The following PIH1D2 variants were observed in gnomAD, a reference collection of about 807,000 sequenced individuals.
PIH1D2 encodes PIH1 domain-containing protein 2.
PIH1D2 carries 25 observed loss-of-function variants against 31.2 expected under a neutral mutation model. That is an observed-to-expected ratio of 0.80 (90% confidence interval 0.58 to 1.12). The LOEUF is 1.12. PIH1D2 is among the 50% of genes most tolerant of loss of function. PIH1D2 has a pLI of 0.00. For synonymous variants in PIH1D2, 116 were observed against 119.9 expected (o/e 0.97, Z 0.21); for missense variants, 310 against 356.6 (o/e 0.87, Z 1.05).
At position 112,068,982 on chromosome 11, in the gene PIH1D2, G is replaced by GTTTTTTTT. The variant is rs1230809846; in HGVS notation, c.814-985_814-978dup. ...TTGTTAAAACCTCTGAATTTTTTTT[G>GTTTTTTTT]TTTTTTTTTTTTTTTGTTTTTTTTT... On this transcript the variant is annotated intron_variant, in intron 5 of 5. Transcript: ENST00000280350. 6.3e-4 allele frequency among the ~76,000 whole-genome samples: 56 copies of GTTTTTTTT among 88,414 alleles called. 1 individual carries two copies. The highest frequency in any genetic ancestry group is 3.0e-3 in the African/African-American group (49 of 16,438). The allele number at this position is 88,414 out of a possible 152,430, so 58.0% of individuals were successfully genotyped here.
downstream of PIH1D2, among the ~76,000 whole-genome samples, chr11:112,060,838 T>C (rs1431666518): frequency 6.6e-6 from 1 of 152,170 alleles, no homozygotes; most frequent in Non-Finnish European, 1.5e-5. Flanking sequence ...AAAGAAGATA[T>C]TGTTTGAAAA....
At chr11:112,060,485 A>C (rs1415089348), downstream of PIH1D2, among the ~76,000 whole-genome samples, 1 of 149,872 alleles carries the variant, frequency 6.7e-6, no homozygotes, top group Non-Finnish European at 1.5e-5. Flanking sequence ...ACAGAGTCTC[A>C]CTCTTGTCAC....
the PIH1D2 span, among the ~76,000 whole-genome samples, chr11:112,052,852 C>T: frequency 2.6e-5 from 4 of 151,978 alleles, no homozygotes; most frequent in African/African-American, 9.7e-5. Context: ...TGGCGCCATC[C>T]CGAGGTTACT....
chr11:112,053,705 G>A, the PIH1D2 span, among the ~76,000 whole-genome samples: 1 of 152,064 alleles, frequency 6.6e-6, no homozygotes, highest in Non-Finnish European at 1.5e-5. Context: ...CGCCCACCTT[G>A]GCCTCCCAAA....
In PIH1D2 at chr11:112,070,470, T is replaced by C; in HGVS notation, c.779A>G (p.Asn260Ser). 1 of 1,614,090 alleles carries C rather than the reference T, an allele frequency of 6.2e-7. No individual in the cohort carries two copies. Among genetic ancestry groups the C allele is most frequent in the Non-Finnish European group, 8.5e-7 (1 of 1,179,950 alleles). Reference sequence around the variant, plus strand: ...ACTAAGGTCACAGAGAGAGACAGAATTAATACCAGGTAATTCAACTTTCAA... The same window carrying C: ...ACTAAGGTCACAGAGAGAGACAGAACTAATACCAGGTAATTCAACTTTCAA... ...IELKVELPGI[N>S]SVSLCDLSVS... The change falls in exon 5 of 6, where the codon AAT (asparagine) becomes AGT (serine). Residue 260 changes from asparagine (N) to serine (S), a missense_variant. Coordinates refer to ENST00000280350, the MANE Select transcript of PIH1D2 (RefSeq NM_138789.4).
At chr11:112,070,300 A>C in intron 5 of PIH1D2, 136 bp downstream of exon 5, 1 of 1,027,548 alleles carries the variant, frequency 9.7e-7, no homozygotes, top group Non-Finnish European at 1.4e-6. Context: ...ACATCTCAGA[A>C]GGGAATTGCT....
At chr11:112,070,867 T>A (rs1413927029) in intron 4 of PIH1D2, 166 bp from the exon 5 acceptor site, 4 of 1,216,798 alleles carry the variant, frequency 3.3e-6, no homozygotes, top group Non-Finnish European at 4.4e-6. Flanking sequence ...TGATTGAAAA[T>A]TTTTCAGGAT....
At chr11:112,067,768 G>A (rs1184436349), downstream of PIH1D2, 2 of 1,294,896 alleles carry the variant, frequency 1.5e-6, no homozygotes, top group African/African-American at 3.3e-5. Flanking sequence ...GAAAATAATG[G>A]AATTGGTGTT....
At chr11:112,055,523 C>T in the PIH1D2 span, among the ~76,000 whole-genome samples, 4 of 151,862 alleles carry the variant, frequency 2.6e-5, no homozygotes, top group South Asian at 4.2e-4. Flanking sequence ...GGATTACAGG[C>T]GTGAGCCACC....
chr11:112,056,284 A>G, the PIH1D2 span, among the ~76,000 whole-genome samples: 1 of 152,118 alleles, frequency 6.6e-6, no homozygotes, highest in South Asian at 2.1e-4. Flanking sequence ...CTTTACCACA[A>G]TCTAATTTTA....
chr11:112,070,727 A>C, intron 4 of PIH1D2, 26 bp from the exon 5 acceptor site: 1 of 1,598,736 alleles, frequency 6.3e-7, no homozygotes, highest in Non-Finnish European at 8.5e-7. Context: ...GGTGGAGGGG[A>C]GATAAAAAAT....
chr11:112,070,321 G>C, intron 5 of PIH1D2, 115 bp downstream of exon 5: 1 of 1,285,808 alleles, frequency 7.8e-7, no homozygotes, highest in Non-Finnish European at 1.1e-6. Context: ...CCTTCACCGG[G>C]TAACCTGAGC....
downstream of PIH1D2, among the ~76,000 whole-genome samples, chr11:112,059,085 T>C (rs782007451): frequency 6.6e-6 from 1 of 152,102 alleles, no homozygotes; most frequent in Non-Finnish European, 1.5e-5. Flanking sequence ...CCCTTACTTT[T>C]ACGTTCTTCT....
At position 112,073,091 on chromosome 11, in the gene PIH1D2, C is replaced by T; in HGVS notation, c.84G>A (p.Glu28=). The change falls in exon 2 of 6, where the codon GAG becomes GAA. Residue 28 remains glutamate, a synonymous_variant. Transcript: ENST00000280350. ...LLDDLAQSDP[E]GYEKFIQQQL... ...GCTGCTGAATAAACTTCTCATAGCC[C>T]TCAGGGTCACTCTGAGCTAGATCAT... 6.2e-7 allele frequency: 1 copy of T among 1,614,072 alleles called. No homozygotes were observed. Among genetic ancestry groups the T allele is most frequent in the Non-Finnish European group, 8.5e-7 (1 of 1,179,972 alleles).
At chr11:112,064,171 A>G (rs1555183602), downstream of PIH1D2, 8 of 1,567,806 alleles carry the variant, frequency 5.1e-6, no homozygotes, top group South Asian at 1.2e-5. Flanking sequence ...CAAACATTCA[A>G]AACTTCAAAG....
At chr11:112,072,363 T>C (rs963610875) in intron 2 of PIH1D2, among the ~76,000 whole-genome samples, 4 of 151,126 alleles carry the variant, frequency 2.6e-5, no homozygotes, top group Non-Finnish European at 3.0e-5. Context: ...CTGTGAAACA[T>C]AGGGAGACCC....
At chr11:112,058,570 A>G (rs1864266453), downstream of PIH1D2, among the ~76,000 whole-genome samples, 1 of 128,270 alleles carries the variant, frequency 7.8e-6, no homozygotes, top group African/African-American at 2.9e-5. Flanking sequence ...ACCACGGATA[A>G]AATCCATGAA....
At chr11:112,059,011 A>G (rs1864334642), downstream of PIH1D2, among the ~76,000 whole-genome samples, 1 of 152,124 alleles carries the variant, frequency 6.6e-6, no homozygotes, top group Non-Finnish European at 1.5e-5. Context: ...TTCTGTAGAA[A>G]AGATTGGGAC....
rs781956003 is a variant in PIH1D2 at position 112,071,696 on chromosome 11, T to C, written c.240A>G (p.Gln80=). ...TTAGAGGTACTGGATGAGTGGTTGA[T>C]TGGGGAGCTGGGATCCTTGTCCACT... ...LCQWTRIPAP[Q]STTHPVPLTV... Residue 80 remains glutamine (Q), a synonymous_variant, in exon 3 of 6, where the codon CAA becomes CAG. Coordinates refer to ENST00000280350, the MANE Select transcript of PIH1D2 (RefSeq NM_138789.4). The C allele has an allele frequency of 1.1e-5, 17 of 1,613,522 alleles. No individual in the cohort carries two copies. Among genetic ancestry groups the C allele is most frequent in the African/African-American group, 4.0e-5 (3 of 74,938 alleles).
Sources: allele counts gnomAD v4.1 joint callset (sites outside exome capture counted in the v4.1 genomes callset), GRCh38; gene constraint gnomAD v4.1.1; transcripts MANE v1.5; gene names NCBI Gene and HGNC (gene_info 2026-07-23, HGNC 2026-07-21).